The following PTPRG variants were observed in gnomAD, a reference collection of about 807,000 sequenced individuals.
PTPRG encodes the protein protein tyrosine phosphatase receptor type G.
In PTPRG, 102 loss-of-function variants were observed where a neutral mutation model predicts 165.3. The ratio of observed to expected loss-of-function variants is 0.62; its 90% CI spans 0.53 to 0.73. The LOEUF (loss-of-function observed/expected upper bound fraction) is 0.73. Ranked by LOEUF, PTPRG falls within the 30% of genes least tolerant of loss-of-function variation. The pLI, the probability that PTPRG is intolerant of heterozygous loss-of-function variation, is 0.00. For missense variants in PTPRG, 1,866 were observed against 1,861.4 expected (o/e 1.00, Z -0.05); for synonymous variants, 675 against 669.5 (o/e 1.01, Z -0.13).
chr3:62,135,949 T>A (rs1259398148), intron 6 of PTPRG, among the ~76,000 whole-genome samples: 2 of 152,120 alleles, frequency 1.3e-5, no homozygotes, highest in Non-Finnish European at 2.9e-5. Flanking sequence ...GGCTGGAGCG[T>A]CCCAGCAAGA....
At chr3:62,101,961 CTCTT>C (rs897473039) in intron 5 of PTPRG, among the ~76,000 whole-genome samples, 5 of 152,176 alleles carry the variant, frequency 3.3e-5, no homozygotes, top group Admixed American at 1.3e-4. Flanking sequence ...GAAAAAGTAT[CTCTT>C]TCTTTTTTTA....
intron 2 of PTPRG, among the ~76,000 whole-genome samples, chr3:61,938,565 C>T (rs932620704): frequency 2.6e-5 from 4 of 152,176 alleles, no homozygotes; most frequent in Admixed American, 6.5e-5. Context: ...GTGTTTGACA[C>T]GTGTAAGTGT....
At chr3:62,063,883 A>G (rs1319570643) in intron 4 of PTPRG, among the ~76,000 whole-genome samples, 2 of 152,150 alleles carry the variant, frequency 1.3e-5, no homozygotes, top group African/African-American at 4.8e-5. Flanking sequence ...GGTAAAAGAT[A>G]CATGAAGAGT....
chr3:62,179,196 A>G lies in PTPRG; in HGVS notation c.1033+11033A>G, dbSNP rs953747468. On this transcript the variant is annotated intron_variant, in intron 8 of 29. Coordinates refer to ENST00000474889, the MANE Select transcript of PTPRG (RefSeq NM_002841.4). The stretch of plus-strand genomic sequence containing the variant: ...TCCCTGCCCCTGAAGCCTGAAAATC[A>G]AAGAACAACTGTTAAGACCCAGAAG... 6.6e-5 allele frequency among the ~76,000 whole-genome samples: 10 copies of G among 152,298 alleles called. No homozygotes were observed. The East Asian group carries it at 1.5e-3, about 24-fold the overall frequency.
At chr3:62,120,709 C>G (rs887814931) in intron 5 of PTPRG, among the ~76,000 whole-genome samples, 6 of 150,158 alleles carry the variant, frequency 4.0e-5, no homozygotes, top group Admixed American at 1.3e-4. Context: ...GAGATAGTGC[C>G]ACTGCACTCC....
intron 2 of PTPRG, among the ~76,000 whole-genome samples, chr3:61,863,664 G>A (rs1028382914): frequency 6.6e-6 from 1 of 152,140 alleles, no homozygotes; most frequent in African/African-American, 2.4e-5. Context: ...TGTTACCTTG[G>A]GCAATATGAC....
chr3:62,256,882 GCTT>G (rs767339722), intron 16 of PTPRG, among the ~76,000 whole-genome samples: 2 of 152,090 alleles, frequency 1.3e-5, no homozygotes, highest in Admixed American at 6.6e-5. Context: ...TCAAAATCAT[GCTT>G]CTTAACAAAT....
chr3:62,282,300 T>C (rs532499138), intron 27 of PTPRG, among the ~76,000 whole-genome samples: 1 of 152,036 alleles, frequency 6.6e-6, no homozygotes, highest in Non-Finnish European at 1.5e-5. Context: ...CAAAGCTCAG[T>C]GTAACCCCAA....
intron 8 of PTPRG, among the ~76,000 whole-genome samples, chr3:62,170,032 CTG>C (rs2106740803): frequency 6.6e-6 from 1 of 152,224 alleles, no homozygotes; most frequent in South Asian, 2.1e-4. Context: ...TCCTTCCTGT[CTG>C]TGTGATTTTG....
chr3:62,273,177 G>T lies in PTPRG; in HGVS notation c.3318+96G>T. 7.6e-7 allele frequency: 1 copy of T among 1,322,950 alleles called. No homozygotes were observed. The highest frequency in any genetic ancestry group is 2.6e-5 in the East Asian group (1 of 38,864). 82.0% of individuals were successfully genotyped at this position (1,322,950 alleles called of 1,614,324 possible). Reference sequence around the variant, plus strand: ...TGAAGAGACAGATTCATTCTTTTAGGGCTTGCAGTAATTTACAGGTTTGTA... The same window carrying T: ...TGAAGAGACAGATTCATTCTTTTAGTGCTTGCAGTAATTTACAGGTTTGTA... On this transcript the variant is annotated intron_variant, in intron 22 of 29. Coordinates refer to ENST00000474889, the MANE Select transcript of PTPRG (RefSeq NM_002841.4). This position sits in a 1 kb window ranked among gnomAD's most constrained non-coding sequence, Gnocchi z 4.1.
At chr3:61,572,548 A>G (rs1700080885) in intron 1 of PTPRG, among the ~76,000 whole-genome samples, 1 of 152,176 alleles carries the variant, frequency 6.6e-6, no homozygotes, top group African/African-American at 2.4e-5. Flanking sequence ...AAAAATTAAG[A>G]ATGCATTAAA....
In PTPRG at chr3:61,579,546, T is replaced by C. The variant is rs1700236694; in HGVS notation, c.85+17174T>C. 3.3e-5 allele frequency among the ~76,000 whole-genome samples: 5 copies of C among 152,252 alleles called. 1 individual carries two copies. The South Asian group carries it at 1.0e-3, about 31-fold the overall frequency. On this transcript the variant is annotated intron_variant, in intron 1 of 29. Transcript: ENST00000474889. ...GTAATTCATCCTTGCATTTTCCAGGTGTAAAAGTTGAGGTTTTGCTAAGTT... is the reference window on the plus strand; with the variant it reads ...GTAATTCATCCTTGCATTTTCCAGGCGTAAAAGTTGAGGTTTTGCTAAGTT...
At chr3:61,645,101 T>C (rs1214871442) in intron 1 of PTPRG, among the ~76,000 whole-genome samples, 1 of 151,990 alleles carries the variant, frequency 6.6e-6, no homozygotes, top group African/African-American at 2.4e-5. Context: ...GTTAAAAATA[T>C]AATATAAAAG....
chr3:61,736,083 A>G (rs1359482342), intron 1 of PTPRG, among the ~76,000 whole-genome samples: 1 of 151,400 alleles, frequency 6.6e-6, no homozygotes, highest in East Asian at 1.9e-4. Flanking sequence ...AATTTTTTGT[A>G]TTTTAGTAGA....
Position 62,210,657 on chromosome 3 carries a change from A to T in PTPRG, c.2155+6707A>T, listed in dbSNP as rs1159348386. On this transcript the variant is annotated intron_variant, in intron 12 of 29. Transcript: ENST00000474889. This position sits in a 1 kb window ranked among gnomAD's most constrained non-coding sequence, Gnocchi z 4.1. ...CTTCTGTCTCTGCTACCCCTGAGAG[A>T]GCAAGACCAACCCCTTTTCATTCTC... 6.6e-6 allele frequency among the ~76,000 whole-genome samples: 1 copy of T among 152,140 alleles called. No homozygotes were observed. The highest frequency in any genetic ancestry group is 1.9e-4 in the East Asian group (1 of 5,192).
At chr3:61,735,825 G>A (rs2032697979) in intron 1 of PTPRG, among the ~76,000 whole-genome samples, 1 of 151,864 alleles carries the variant, frequency 6.6e-6, no homozygotes, top group Non-Finnish European at 1.5e-5. Flanking sequence ...TGCTCACACC[G>A]ACTTACGGAA....
intron 2 of PTPRG, among the ~76,000 whole-genome samples, chr3:61,801,214 AC>A (rs1167527463): frequency 6.6e-6 from 1 of 151,308 alleles, no homozygotes; most frequent in Non-Finnish European, 1.5e-5. Flanking sequence ...TTTCATGATT[AC>A]CCCCCAGTGG....
At chr3:61,753,420 TTCTG>T (rs2033519999) in intron 2 of PTPRG, among the ~76,000 whole-genome samples, 1 of 152,190 alleles carries the variant, frequency 6.6e-6, no homozygotes, top group African/African-American at 2.4e-5. Context: ...TAAAGTATAT[TTCTG>T]TCTTTCTTGA....
At chr3:62,090,202 A>G (rs1038381963) in intron 5 of PTPRG, among the ~76,000 whole-genome samples, 2 of 152,188 alleles carry the variant, frequency 1.3e-5, no homozygotes, top group Non-Finnish European at 2.9e-5. Context: ...CATCCATATT[A>G]CTGAGGTCTT....
Sources: allele counts gnomAD v4.1 joint callset (sites outside exome capture counted in the v4.1 genomes callset), GRCh38; gene constraint gnomAD v4.1.1; non-coding constraint Gnocchi (gnomAD v3.1); transcripts MANE v1.5; gene names NCBI Gene and HGNC (gene_info 2026-07-23, HGNC 2026-07-21).